Variants in RP1 observed in about 807,000 individuals in gnomAD.
The protein encoded by RP1 is RP1 axonemal microtubule associated, also known as oxygen-regulated protein 1.
Under a neutral mutation model 14.8 loss-of-function variants are expected in RP1, and 16 were observed. That is an observed-to-expected ratio of 1.08 (90% CI 0.73 to 1.65). The LOEUF is 1.65. Among genes scored for constraint, RP1 ranks in the 40% most tolerant of loss-of-function variants. The pLI is 0.00. For synonymous variants in RP1, 876 were observed against 883.6 expected (o/e 0.99, Z 0.15); for missense variants, 2,631 against 2,535.0 (o/e 1.04, Z -0.81).
At chr8:54,803,865 T>C (rs986682801) in intron 24 of RP1, among the ~76,000 whole-genome samples, 3 of 151,966 alleles carry the variant, frequency 2.0e-5, no homozygotes, top group African/African-American at 7.2e-5. Context: ...GTCAGGAGTT[T>C]AAGACTAGCC....
intron 24 of RP1, among the ~76,000 whole-genome samples, chr8:54,806,862 T>A (rs1386365060): frequency 6.6e-6 from 1 of 152,218 alleles, no homozygotes; most frequent in Non-Finnish European, 1.5e-5. Context: ...AATACCATTG[T>A]TAAGGTTACC....
chr8:54,817,556 C>T (rs1222236377), intron 24 of RP1, among the ~76,000 whole-genome samples: 2 of 152,104 alleles, frequency 1.3e-5, no homozygotes, highest in East Asian at 1.9e-4. Flanking sequence ...GTAATGGTGG[C>T]GAGTGTTTGA....
At chr8:54,801,158 G>T (rs1362624830) in intron 24 of RP1, among the ~76,000 whole-genome samples, 1 of 152,174 alleles carries the variant, frequency 6.6e-6, no homozygotes, top group Non-Finnish European at 1.5e-5. Context: ...TTGCCAGAGA[G>T]TGTTTCTCAA....
intron 1 of RP1, among the ~76,000 whole-genome samples, chr8:54,617,942 G>A (rs953724162): frequency 1.3e-5 from 2 of 152,088 alleles, no homozygotes; most frequent in Non-Finnish European, 2.9e-5. Context: ...CATGTTCTGG[G>A]TTTTACACAC....
intron 1 of RP1, among the ~76,000 whole-genome samples, chr8:54,559,491 G>A (rs1352965503): frequency 6.6e-6 from 1 of 152,162 alleles, no homozygotes; most frequent in East Asian, 1.9e-4. Flanking sequence ...AAAGCAAGCA[G>A]TGGAAGGCCT....
chr8:54,582,542 A>G (rs1376081474), intron 1 of RP1, among the ~76,000 whole-genome samples: 1 of 151,978 alleles, frequency 6.6e-6, no homozygotes, highest in Admixed American at 6.6e-5. Context: ...CTGTGAAGAA[A>G]GTCATTGGTA....
intron 24 of RP1, among the ~76,000 whole-genome samples, chr8:54,788,967 T>A (rs140230811): frequency 6.6e-6 from 1 of 152,304 alleles, no homozygotes; most frequent in African/African-American, 2.4e-5. Context: ...GCTTCACCTC[T>A]CCCTCAGGCT....
chr8:54,820,341 G>T (rs1236569406), intron 24 of RP1, among the ~76,000 whole-genome samples: 2 of 152,144 alleles, frequency 1.3e-5, no homozygotes, highest in African/African-American at 2.4e-5. Flanking sequence ...CAAGTCCAGT[G>T]AAGTACCAGG....
In RP1 at chr8:54,627,987, C is replaced by A; in HGVS notation, c.4105C>A (p.Gln1369Lys). The A allele has an allele frequency of 3.1e-6, 5 of 1,613,940 alleles. No homozygotes were observed. Among genetic ancestry groups the A allele is most frequent in the South Asian group, 1.1e-5 (1 of 91,062 alleles). ...AGAGTTAGAAAGAGGTGATGACATTCAGAAAGATCTAAATATTTTGACAGA... is the reference window on the plus strand; with the variant it reads ...AGAGTTAGAAAGAGGTGATGACATTAAGAAAGATCTAAATATTTTGACAGA... ...TEELERGDDI[Q>K]KDLNILTDPE... is the part of the protein sequence containing the mutation. Residue 1369 changes from glutamine (Q) to lysine (K), a missense_variant, in exon 4 of 4, where the codon CAG (glutamine) becomes AAG (lysine). Coordinates refer to ENST00000220676, the MANE Select transcript of RP1 (RefSeq NM_006269.2).
At chr8:54,637,346 C>A (rs1027538523) in intron 3 of RP1, among the ~76,000 whole-genome samples, 5 of 152,178 alleles carry the variant, frequency 3.3e-5, no homozygotes, top group Non-Finnish European at 7.4e-5. Context: ...ACCACCTAGG[C>A]ATTAAGAGCC....
At chr8:54,593,658 G>A (rs1198386858) in intron 1 of RP1, among the ~76,000 whole-genome samples, 2 of 152,168 alleles carry the variant, frequency 1.3e-5, no homozygotes, top group African/African-American at 4.8e-5. Flanking sequence ...CCAGGACAGG[G>A]AAGACTCTCA....
chr8:54,616,477 G>T (rs1023056098), intron 1 of RP1, among the ~76,000 whole-genome samples: 1 of 152,128 alleles, frequency 6.6e-6, no homozygotes, highest in African/African-American at 2.4e-5. Flanking sequence ...GACAATAAAA[G>T]CATTATATAC....
At chr8:54,855,892 G>A (rs1812183263) in intron 26 of RP1, among the ~76,000 whole-genome samples, 1 of 151,696 alleles carries the variant, frequency 6.6e-6, no homozygotes, top group Non-Finnish European at 1.5e-5. Context: ...CGCATACGGA[G>A]TGCATATTAG....
At chr8:54,775,478 A>C (rs1016421754) in intron 23 of RP1, among the ~76,000 whole-genome samples, 1 of 152,168 alleles carries the variant, frequency 6.6e-6, no homozygotes, top group African/African-American at 2.4e-5. Flanking sequence ...TGGACCTTAT[A>C]GAGAAGTCTG....
At chr8:54,764,211 T>A (rs1307306875) in intron 22 of RP1, among the ~76,000 whole-genome samples, 1 of 152,204 alleles carries the variant, frequency 6.6e-6, no homozygotes, top group African/African-American at 2.4e-5. Flanking sequence ...ATCCTTGAGA[T>A]CACACTCTGG....
intron 1 of RP1, among the ~76,000 whole-genome samples, chr8:54,564,136 A>G (rs878886791): frequency 1.3e-5 from 2 of 152,206 alleles, no homozygotes; most frequent in Admixed American, 1.3e-4. Context: ...TGGTCAGCAC[A>G]GTGGACAGAT....
intron 27 of RP1, among the ~76,000 whole-genome samples, chr8:54,864,225 G>T (rs919088212): frequency 4.6e-5 from 7 of 152,132 alleles, no homozygotes; most frequent in African/African-American, 1.7e-4. Flanking sequence ...GGACGAAGGT[G>T]TCGATAAAAA....
intron 1 of RP1, among the ~76,000 whole-genome samples, chr8:54,604,735 A>G (rs150375802): frequency 0.34 from 52,208 of 152,040 alleles, 9,521 homozygotes; most frequent in Middle Eastern, 0.49. Flanking sequence ...TGGTCTATTC[A>G]GAGATTCAAC....
At chr8:54,684,112 A>G (rs1807498247) in intron 12 of RP1, among the ~76,000 whole-genome samples, 1 of 150,544 alleles carries the variant, frequency 6.6e-6, no homozygotes, top group Admixed American at 6.7e-5. Context: ...GATGAATTAC[A>G]TTTATTGATT....
Sources: gnomAD v4.1 joint callset for allele counts (sites outside exome capture counted in the v4.1 genomes callset) on GRCh38, gnomAD v4.1.1 for gene constraint, MANE v1.5 for transcripts, NCBI Gene and HGNC (gene_info 2026-07-23, HGNC 2026-07-21) for gene names.